The following FAT3 variants were observed in gnomAD, a reference collection of about 807,000 sequenced individuals.
FAT3 encodes the protein FAT atypical cadherin 3.
In FAT3, 95 loss-of-function variants were observed where a neutral mutation model predicts 310.2. The observed-to-expected ratio is 0.31, with a 90% CI of 0.26 to 0.36. FAT3 has a LOEUF of 0.36. FAT3 is among the 10% of genes least tolerant of loss of function. The probability of loss-of-function intolerance (pLI) is 1.00; values close to 1 mark genes in which losing one functional copy is unlikely to be tolerated. For missense variants in FAT3, 5,408 were observed against 5,715.6 expected, an observed-to-expected ratio of 0.95 and a Z score of 1.74; for synonymous variants, 2,314 against 2,192.9, an observed-to-expected ratio of 1.06 and a Z score of -1.54.
intron 1 of FAT3, among the ~76,000 whole-genome samples, chr11:92,262,931 G>A (rs888876024): frequency 4.6e-5 from 7 of 151,644 alleles, no homozygotes; most frequent in East Asian, 3.9e-4. Context: ...GGTGGCTACC[G>A]AAATGTAGGT....
At chr11:92,858,893 A>G (rs560666937) in intron 20 of FAT3, among the ~76,000 whole-genome samples, 1 of 152,296 alleles carries the variant, frequency 6.6e-6, no homozygotes, top group South Asian at 2.1e-4. Context: ...AAGAAAATCC[A>G]AGTTGTGGAA....
intron 1 of FAT3, among the ~76,000 whole-genome samples, chr11:92,232,903 C>T (rs986764058): frequency 1.3e-5 from 2 of 152,104 alleles, no homozygotes; most frequent in Non-Finnish European, 2.9e-5. Flanking sequence ...TACCTGATGG[C>T]AGAATTTACA....
intron 2 of FAT3, among the ~76,000 whole-genome samples, chr11:92,357,903 C>T (rs1666397168): frequency 6.6e-6 from 1 of 151,474 alleles, no homozygotes; most frequent in African/African-American, 2.4e-5. Flanking sequence ...TCATGGTAGC[C>T]TATGCCTGTA....
intron 2 of FAT3, among the ~76,000 whole-genome samples, chr11:92,457,199 T>C (rs1308655692): frequency 1.3e-5 from 2 of 152,174 alleles, no homozygotes; most frequent in Admixed American, 1.3e-4. Context: ...ATCGTGATTC[T>C]ATGAATTTCT....
intron 1 of FAT3, among the ~76,000 whole-genome samples, chr11:92,240,698 TTTA>T (rs1297860424): frequency 1.3e-5 from 2 of 152,058 alleles, no homozygotes; most frequent in African/African-American, 4.8e-5. Context: ...TTTGGCTCAT[TTTA>T]TTGACATATT....
intron 3 of FAT3, among the ~76,000 whole-genome samples, chr11:92,592,913 G>T (rs1939509590): frequency 6.6e-6 from 1 of 151,930 alleles, no homozygotes; most frequent in South Asian, 2.1e-4. Flanking sequence ...ACAATCTTCA[G>T]AACTGTTTTC....
chr11:92,415,688 C>A (rs927552308), intron 2 of FAT3, among the ~76,000 whole-genome samples: 3 of 152,056 alleles, frequency 2.0e-5, no homozygotes, highest in Non-Finnish European at 2.9e-5. Flanking sequence ...AAGCATCTGA[C>A]ACCTAGGACT....
At chr11:92,880,634 G>A (rs1820517017) in intron 22 of FAT3, 97 bp from the exon 23 acceptor site, 22 of 1,380,472 alleles carry the variant, frequency 1.6e-5, no homozygotes, top group Middle Eastern at 5.1e-4. Flanking sequence ...CCTATTATAC[G>A]GTTCAACAAA....
chr11:92,760,241 T>C (rs912452738), intron 4 of FAT3, among the ~76,000 whole-genome samples: 2 of 152,370 alleles, frequency 1.3e-5, no homozygotes, highest in Middle Eastern at 6.8e-3. Flanking sequence ...TGAAAATTTA[T>C]CTTAAGTCTA....
intron 3 of FAT3, among the ~76,000 whole-genome samples, chr11:92,648,770 A>G (rs1942258178): frequency 6.6e-6 from 1 of 152,218 alleles, no homozygotes. Context: ...TCAACAAACC[A>G]TTGTGACGGC....
intron 3 of FAT3, among the ~76,000 whole-genome samples, chr11:92,536,046 C>T (rs542373760): frequency 6.6e-6 from 1 of 152,236 alleles, no homozygotes; most frequent in South Asian, 2.1e-4. Context: ...AACTTAAAGT[C>T]CAGTTTTAGT....
At chr11:92,276,008 T>G (rs895424028) in intron 1 of FAT3, among the ~76,000 whole-genome samples, 2 of 106,810 alleles carry the variant, frequency 1.9e-5, no homozygotes, top group African/African-American at 7.6e-5. Flanking sequence ...GAATCTCATA[T>G]CTTATTAAAT....
At chr11:92,492,469 G>T (rs928492268) in intron 2 of FAT3, among the ~76,000 whole-genome samples, 7 of 152,030 alleles carry the variant, frequency 4.6e-5, no homozygotes, top group African/African-American at 1.7e-4. Flanking sequence ...GAGATAATAC[G>T]TGAATAATCT....
intron 2 of FAT3, among the ~76,000 whole-genome samples, chr11:92,358,183 AT>A (rs1284505003): frequency 2.0e-5 from 3 of 152,038 alleles, no homozygotes; most frequent in African/African-American, 4.8e-5. Context: ...TCTTAAAAAA[AT>A]AATAATTAAA....
rs1383313219 is a variant in FAT3, at chr11:92,867,185, A to G, written c.12103A>G (p.Ser4035Gly). The G allele has an allele frequency of 6.3e-7, 1 of 1,585,580 alleles. No individual in the cohort carries two copies. The highest frequency in any genetic ancestry group is 2.3e-5 in the East Asian group (1 of 43,910). Residue 4035 changes from serine to glycine, a missense_variant, in exon 22 of 28, where the codon AGC becomes GGC. By Grantham distance (56) the Ser-to-Gly change is moderately conservative. Transcript: ENST00000525166. ...GCGCAGCCCGTGCCAGCACGGGGGC[A>G]GCTGCACTGGCCTGCCATCGGGGGG... Reference protein sequence around the residue: ...CKRSPCQHGGSCTGLPSGGYQ... With the variant: ...CKRSPCQHGGGCTGLPSGGYQ...
intron 1 of FAT3, among the ~76,000 whole-genome samples, chr11:92,281,129 A>AT (rs1946408484): frequency 1.3e-5 from 2 of 152,130 alleles, no homozygotes; most frequent in South Asian, 4.1e-4. Context: ...ATTGTCAAAA[A>AT]TTTTTTGATA....
intron 13 of FAT3, among the ~76,000 whole-genome samples, chr11:92,817,328 T>A (rs1483513109): frequency 6.6e-6 from 1 of 152,216 alleles, no homozygotes; most frequent in Non-Finnish European, 1.5e-5. Flanking sequence ...ATTGCATTAA[T>A]AGAAAATATG....
chr11:92,401,900 G>C (rs1454750156), intron 2 of FAT3, among the ~76,000 whole-genome samples: 1 of 152,172 alleles, frequency 6.6e-6, no homozygotes, highest in Admixed American at 6.5e-5. Context: ...ATTTACTTCA[G>C]TGCCTATTAT....
chr11:92,717,208 T>C (rs1944718066), intron 4 of FAT3, among the ~76,000 whole-genome samples: 1 of 152,200 alleles, frequency 6.6e-6, no homozygotes, highest in African/African-American at 2.4e-5. Context: ...TTGTCCCCAG[T>C]ACCTAGCACA....
Sources: gnomAD v4.1 joint callset for allele counts (sites outside exome capture counted in the v4.1 genomes callset) on GRCh38, gnomAD v4.1.1 for gene constraint, MANE v1.5 for transcripts, NCBI Gene and HGNC (gene_info 2026-07-23, HGNC 2026-07-21) for gene names.